Variants in IMMP2L observed in about 807,000 individuals in gnomAD.
IMMP2L encodes mitochondrial inner membrane protease subunit 2.
Under a neutral mutation model 19.3 loss-of-function variants are expected in IMMP2L, and 18 were observed. That is an observed-to-expected ratio of 0.93 (90% CI 0.64 to 1.38). IMMP2L has a LOEUF of 1.38. Ranked by LOEUF, IMMP2L falls within the 40% of genes most tolerant of loss-of-function variation. The pLI is 0.00. For synonymous variants in IMMP2L, 76 were observed against 73.0 expected, an observed-to-expected ratio of 1.04 and a Z score of -0.21; for missense variants, 233 against 218.2, an observed-to-expected ratio of 1.07 and a Z score of -0.43.
At position 111,283,940 on chromosome 7, in the gene IMMP2L, C is replaced by T. The variant is rs975663978; in HGVS notation, c.239+203298G>A. ...GAGCCGAGATCCCGCCACTGCACTC[C>T]AGCCTGGGCGACAGAGCGAGACTCC... is the stretch of plus-strand genomic sequence containing the variant. On this transcript the variant is annotated intron_variant, in intron 3 of 5. Transcript: ENST00000405709. Among the ~76,000 whole-genome samples the T allele has an allele frequency of 6.8e-5, 9 of 132,182 alleles. No homozygotes were observed. In the East Asian group the frequency reaches 1.9e-3, roughly 28 times the overall value. The allele number at this position is 132,182 out of a possible 152,430, so 86.7% of individuals were successfully genotyped here.
At chr7:111,416,739 A>G (rs971667342) in intron 3 of IMMP2L, among the ~76,000 whole-genome samples, 1 of 151,708 alleles carries the variant, frequency 6.6e-6, no homozygotes, top group African/African-American at 2.4e-5. Context: ...TGCCAGCATA[A>G]TATTTGTCCA....
chr7:111,276,145 T>G (rs1819021329), intron 3 of IMMP2L, among the ~76,000 whole-genome samples: 1 of 152,162 alleles, frequency 6.6e-6, no homozygotes, highest in Non-Finnish European at 1.5e-5. Flanking sequence ...TTTGAGGATA[T>G]TTATCATGAA....
At chr7:111,431,985 T>C (rs1031463106) in intron 3 of IMMP2L, among the ~76,000 whole-genome samples, 1 of 151,818 alleles carries the variant, frequency 6.6e-6, no homozygotes, top group African/African-American at 2.4e-5. Context: ...GAAATTCATA[T>C]TTGGTAAACC....
At chr7:110,976,178 AAGT>A (rs1269469876) in intron 3 of IMMP2L, among the ~76,000 whole-genome samples, 1 of 152,028 alleles carries the variant, frequency 6.6e-6, no homozygotes, top group East Asian at 1.9e-4. Context: ...CTGATTCTAT[AAGT>A]AGACCATAAG....
At chr7:111,227,142 C>G (rs756165039) in intron 3 of IMMP2L, among the ~76,000 whole-genome samples, 91 of 152,058 alleles carry the variant, frequency 6.0e-4, no homozygotes, top group South Asian at 6.2e-4. Context: ...ATATCATTCT[C>G]TGGCATTGGT....
intron 3 of IMMP2L, among the ~76,000 whole-genome samples, chr7:111,461,989 T>C (rs1199716730): frequency 2.6e-5 from 4 of 152,014 alleles, no homozygotes; most frequent in East Asian, 3.9e-4. Context: ...CACACACACG[T>C]GCACAAACAC....
At chr7:111,531,664 T>C (rs1847407023) in intron 1 of IMMP2L, among the ~76,000 whole-genome samples, 1 of 152,146 alleles carries the variant, frequency 6.6e-6, no homozygotes, top group Non-Finnish European at 1.5e-5. Flanking sequence ...CTGTACTTTA[T>C]TTTTTTCCAA....
chr7:111,510,457 T>C (rs938952377), intron 2 of IMMP2L, among the ~76,000 whole-genome samples: 3 of 152,110 alleles, frequency 2.0e-5, no homozygotes, highest in African/African-American at 7.2e-5. Context: ...TATGATGTTT[T>C]GACACGTTAA....
intron 1 of IMMP2L, among the ~76,000 whole-genome samples, chr7:111,541,603 T>G (rs1848509283): frequency 6.6e-6 from 1 of 152,214 alleles, no homozygotes; most frequent in African/African-American, 2.4e-5. Flanking sequence ...AACTTATTTT[T>G]ATTGTCTCAT....
At chr7:110,761,557 A>T (rs1195796301) in intron 5 of IMMP2L, among the ~76,000 whole-genome samples, 6 of 152,152 alleles carry the variant, frequency 3.9e-5, no homozygotes, top group Non-Finnish European at 5.9e-5. Flanking sequence ...TCAATCAAGT[A>T]CCTCTCAGGA....
intron 3 of IMMP2L, among the ~76,000 whole-genome samples, chr7:111,004,556 C>T (rs937989335): frequency 6.8e-6 from 1 of 146,172 alleles, no homozygotes; most frequent in Non-Finnish European, 1.5e-5. Context: ...TCCAAAGTTT[C>T]CACTCTCACC....
rs1814969837 is a variant in IMMP2L, at chr7:111,241,090, T to C, written c.239+246148A>G. ...AACAGTAACTTAGTTACTGTTCGAATGGTAAATATTGTATTATGTTTCAAT... is the reference window on the plus strand; with the variant it reads ...AACAGTAACTTAGTTACTGTTCGAACGGTAAATATTGTATTATGTTTCAAT... On this transcript the variant is annotated intron_variant, in intron 3 of 5. Transcript: ENST00000405709. 2.6e-5 allele frequency among the ~76,000 whole-genome samples: 4 copies of C among 152,084 alleles called. No individual in the cohort carries two copies. In the South Asian group the frequency reaches 6.2e-4, roughly 24 times the overall value.
chr7:111,273,710 C>T (rs898629232), intron 3 of IMMP2L, among the ~76,000 whole-genome samples: 3 of 151,896 alleles, frequency 2.0e-5, no homozygotes, highest in Admixed American at 6.6e-5. Context: ...ACAGAGGTTA[C>T]GGTTAGGAAC....
intron 3 of IMMP2L, among the ~76,000 whole-genome samples, chr7:111,413,302 C>G (rs1029390701): frequency 2.0e-5 from 3 of 152,016 alleles, no homozygotes; most frequent in Non-Finnish European, 4.4e-5. Flanking sequence ...GAATTAAACC[C>G]TATACAAACT....
intron 3 of IMMP2L, 41 bp from the exon 4 acceptor site, chr7:110,963,606 T>C (rs1340427055): frequency 2.3e-6 from 3 of 1,280,410 alleles, no homozygotes; most frequent in East Asian, 2.4e-5. Flanking sequence ...GTTATGTCTA[T>C]GTTGTTTTAG....
At chr7:111,437,343 G>T (rs1837278385) in intron 3 of IMMP2L, among the ~76,000 whole-genome samples, 1 of 151,716 alleles carries the variant, frequency 6.6e-6, no homozygotes, top group Non-Finnish European at 1.5e-5. Flanking sequence ...TACTCAGGAG[G>T]CTGAGGCAAG....
At chr7:111,050,256 G>C (rs2129572733) in intron 3 of IMMP2L, among the ~76,000 whole-genome samples, 1 of 152,254 alleles carries the variant, frequency 6.6e-6, no homozygotes, top group East Asian at 1.9e-4. Context: ...ATACAGTAAA[G>C]AATCTTACAG....
chr7:110,943,649 C>T (rs1476883576), intron 4 of IMMP2L, among the ~76,000 whole-genome samples: 1 of 152,008 alleles, frequency 6.6e-6, no homozygotes, highest in Non-Finnish European at 1.5e-5. Context: ...GAGCCTCATG[C>T]AACCCATGGG....
chr7:111,291,273 G>T (rs1041321618), intron 3 of IMMP2L, among the ~76,000 whole-genome samples: 2 of 152,170 alleles, frequency 1.3e-5, no homozygotes, highest in Non-Finnish European at 2.9e-5. Flanking sequence ...AAGACCAGTG[G>T]TTGCAGCAGC....
Sources: gnomAD v4.1 joint callset for allele counts (sites outside exome capture counted in the v4.1 genomes callset) on GRCh38, gnomAD v4.1.1 for gene constraint, MANE v1.5 for transcripts, NCBI Gene and HGNC (gene_info 2026-07-23, HGNC 2026-07-21) for gene names.